DHRS7B: variants seen among roughly 807,000 people sequenced by gnomAD.
The protein encoded by DHRS7B is peroxisomal reductase activating PPAR-gamma.
Under a neutral mutation model 26.4 loss-of-function variants are expected in DHRS7B, and 24 were observed. That is an observed-to-expected ratio of 0.91 (90% CI 0.66 to 1.28). The LOEUF (loss-of-function observed/expected upper bound fraction) is 1.28. Ranked by LOEUF, DHRS7B falls within the 50% of genes most tolerant of loss-of-function variation. The probability of loss-of-function intolerance (pLI) is 0.00; values close to 1 mark genes in which losing one functional copy is unlikely to be tolerated. For synonymous variants in DHRS7B, 142 were observed against 166.4 expected, an observed-to-expected ratio of 0.85 and a Z score of 1.13; for missense variants, 368 against 419.4, an observed-to-expected ratio of 0.88 and a Z score of 1.07.
chr17:21,189,121 A>G (rs531445465), intron 6 of DHRS7B, among the ~76,000 whole-genome samples: 7 of 152,326 alleles, frequency 4.6e-5, no homozygotes, highest in African/African-American at 1.4e-4. Flanking sequence ...CTCAAGGGCT[A>G]AAAGGAAGTT....
chr17:21,134,340 G>A (rs1413199292), intron 1 of DHRS7B, among the ~76,000 whole-genome samples: 1 of 152,068 alleles, frequency 6.6e-6, no homozygotes, highest in African/African-American at 2.4e-5. Flanking sequence ...TCCATAGGAG[G>A]AATCTCAGAT....
In DHRS7B at chr17:21,178,247, T is replaced by A; in HGVS notation, c.214T>A (p.Phe72Ile). 1 of 1,614,250 alleles carries A rather than the reference T, an allele frequency of 6.2e-7. No individual in the cohort carries two copies. Among genetic ancestry groups the A allele is most frequent in the South Asian group, 1.1e-5 (1 of 91,090 alleles). The change falls in exon 3 of 7, where the codon TTC becomes ATC. Residue 72 changes from phenylalanine (F) to isoleucine (I), a missense_variant. By Grantham distance (21) the Phe-to-Ile change is conservative. Transcript: ENST00000395511. ...SGLGKECAKV[F>I]YAAGAKLVLC... Reference sequence around the variant, plus strand: ...TCTTCCCTTAGAATGTGCAAAAGTCTTCTATGCTGCGGGTGCTAAACTGGT... The same window carrying A: ...TCTTCCCTTAGAATGTGCAAAAGTCATCTATGCTGCGGGTGCTAAACTGGT...
intron 2 of DHRS7B, among the ~76,000 whole-genome samples, chr17:21,173,247 G>T (rs1352246851): frequency 6.6e-6 from 1 of 152,262 alleles, no homozygotes; most frequent in Non-Finnish European, 1.5e-5. Flanking sequence ...CAGCCTGGTG[G>T]CAACAAGGCA....
chr17:21,188,918 G>T, intron 6 of DHRS7B, 55 bp downstream of exon 6: 1 of 1,602,512 alleles, frequency 6.2e-7, no homozygotes, highest in Non-Finnish European at 8.5e-7. Flanking sequence ...GCCACAGTGA[G>T]ACATGCTGCT....
intron 1 of DHRS7B, among the ~76,000 whole-genome samples, chr17:21,164,154 G>A (rs1974059905): frequency 6.7e-6 from 1 of 149,102 alleles, no homozygotes. Context: ...TCAGCCTCCT[G>A]AGTAGCTGGG....
intron 1 of DHRS7B, among the ~76,000 whole-genome samples, chr17:21,147,225 C>T (rs1055109578): frequency 2.0e-5 from 3 of 152,082 alleles, no homozygotes; most frequent in Non-Finnish European, 4.4e-5. Flanking sequence ...TAAACGCTGC[C>T]ACTGTTGTAG....
intron 1 of DHRS7B, among the ~76,000 whole-genome samples, chr17:21,147,473 C>A (rs138340057): frequency 6.6e-6 from 1 of 152,178 alleles, no homozygotes; most frequent in South Asian, 2.1e-4. Flanking sequence ...GAGATTATCA[C>A]GAGAATTGTC....
At chr17:21,178,840 G>C (rs908136920) in intron 3 of DHRS7B, among the ~76,000 whole-genome samples, 3 of 151,964 alleles carry the variant, frequency 2.0e-5, no homozygotes, top group African/African-American at 7.3e-5. Flanking sequence ...TGTATTTTTT[G>C]TAGAGACGTG....
chr17:21,136,092 A>G (rs1449380215), intron 1 of DHRS7B, among the ~76,000 whole-genome samples: 2 of 152,148 alleles, frequency 1.3e-5, no homozygotes, highest in Non-Finnish European at 2.9e-5. Flanking sequence ...TGAGGTCAGG[A>G]GTTCGAGACT....
intron 1 of DHRS7B, among the ~76,000 whole-genome samples, chr17:21,151,962 G>A (rs1365218225): frequency 6.6e-6 from 1 of 152,084 alleles, no homozygotes; most frequent in Non-Finnish European, 1.5e-5. Context: ...AAAGTTTGTG[G>A]CATCTTTCCC....
chr17:21,163,237 T>A (rs1460530447), intron 1 of DHRS7B, among the ~76,000 whole-genome samples: 3 of 151,660 alleles, frequency 2.0e-5, no homozygotes, highest in Admixed American at 6.6e-5. Context: ...AACACAGGTA[T>A]AATCTAAATA....
intron 1 of DHRS7B, among the ~76,000 whole-genome samples, chr17:21,159,684 C>G (rs1973958029): frequency 6.6e-6 from 1 of 151,554 alleles, no homozygotes; most frequent in African/African-American, 2.4e-5. Context: ...CCAGCCTGGG[C>G]AAGATGGCAA....
At chr17:21,151,951 A>G (rs1458064998) in intron 1 of DHRS7B, among the ~76,000 whole-genome samples, 2 of 152,130 alleles carry the variant, frequency 1.3e-5, no homozygotes, top group African/African-American at 4.8e-5. Flanking sequence ...CTGGCTGTGT[A>G]AAAGTTTGTG....
chr17:21,138,129 C>CACACACACACACACAT (rs1429452660), intron 1 of DHRS7B, among the ~76,000 whole-genome samples: 49 of 140,020 alleles, frequency 3.5e-4, no homozygotes, highest in African/African-American at 1.2e-3. Context: ...CACACACACA[C>CACACACACACACACAT]ACATATATTT....
At chr17:21,178,151 C>A in intron 2 of DHRS7B, 82 bp from the exon 3 acceptor site, 1 of 1,332,912 alleles carries the variant, frequency 7.5e-7, no homozygotes. Context: ...GGGTGTGAAG[C>A]AGCAAACAGC....
At chr17:21,127,850 G>C (rs762206178) in intron 1 of DHRS7B, 1 of 152,144 alleles carries the variant, frequency 6.6e-6, no homozygotes, top group Non-Finnish European at 1.5e-5. Context: ...TGCTTACACT[G>C]TTGCCGATTG....
chr17:21,149,772 A>G (rs1300822522), intron 1 of DHRS7B, among the ~76,000 whole-genome samples: 2 of 152,218 alleles, frequency 1.3e-5, no homozygotes, highest in East Asian at 3.8e-4. Flanking sequence ...AAACACTTGT[A>G]ATAGGTTTAC....
intron 1 of DHRS7B, among the ~76,000 whole-genome samples, chr17:21,140,257 C>T (rs536837633): frequency 3.9e-5 from 6 of 151,906 alleles, no homozygotes; most frequent in African/African-American, 9.7e-5. Context: ...CTCCTGACTT[C>T]GTGATCCACC....
intron 3 of DHRS7B, among the ~76,000 whole-genome samples, chr17:21,182,283 T>C (rs2144199179): frequency 6.6e-6 from 1 of 152,292 alleles, no homozygotes; most frequent in Admixed American, 6.5e-5. Flanking sequence ...GTTTTTGCTC[T>C]TGTTGCCCAG....
Sources: allele counts gnomAD v4.1 joint callset (sites outside exome capture counted in the v4.1 genomes callset), GRCh38; gene constraint gnomAD v4.1.1; transcripts MANE v1.5; gene names NCBI Gene and HGNC (gene_info 2026-07-23, HGNC 2026-07-21).